Variants in KIF13A observed in about 807,000 individuals in gnomAD.
The protein encoded by KIF13A is kinesin family member 13A, also known as kinesin-like protein KIF13A.
KIF13A carries 79 observed loss-of-function variants against 212.2 expected under a neutral mutation model. That is an observed-to-expected ratio of 0.37 (90% CI 0.31 to 0.45). The LOEUF is 0.45. Among genes scored for constraint, KIF13A ranks in the 20% least tolerant of loss-of-function variants. The probability of loss-of-function intolerance (pLI) is 1.00; values close to 1 mark genes in which losing one functional copy is unlikely to be tolerated. For missense variants in KIF13A, 1,901 were observed against 2,209.0 expected, an observed-to-expected ratio of 0.86 and a Z score of 2.79; for synonymous variants, 789 against 808.6, an observed-to-expected ratio of 0.98 and a Z score of 0.41.
intron 2 of KIF13A, among the ~76,000 whole-genome samples, chr6:17,957,847 T>C (rs1478888912): frequency 6.6e-6 from 1 of 152,212 alleles, no homozygotes; most frequent in Non-Finnish European, 1.5e-5. Flanking sequence ...TTTAAAGACA[T>C]GATGTGTCTC....
Position 17,855,753 on chromosome 6 carries a change from G to T in KIF13A, c.314-136C>A. On this transcript the variant is annotated intron_variant, in intron 5 of 38. Transcript: ENST00000259711. This position sits in a 1 kb window ranked among gnomAD's most constrained non-coding sequence, Gnocchi z 4.1. ...GGCCAACTTAGCCTCAAACCCTGTTGCTCAGGCTGGAGTGCAGTGGTGTGA... is the reference window on the plus strand; with the variant it reads ...GGCCAACTTAGCCTCAAACCCTGTTTCTCAGGCTGGAGTGCAGTGGTGTGA... 1.4e-6 allele frequency: 1 copy of T among 720,066 alleles called. No homozygotes were observed. The highest frequency in any genetic ancestry group is 2.3e-6 in the Non-Finnish European group (1 of 441,356). The allele number at this position is 720,066 out of a possible 1,614,324, so 44.6% of individuals were successfully genotyped here.
At chr6:17,802,932 G>GTTTTT (rs750485926) in intron 20 of KIF13A, among the ~76,000 whole-genome samples, 1 of 111,126 alleles carries the variant, frequency 9.0e-6, no homozygotes, top group Non-Finnish European at 2.0e-5. Context: ...TGTTTTTTTT[G>GTTTTT]TTTTTTTTTG....
chr6:17,929,588 G>T (rs1356281812), intron 2 of KIF13A, among the ~76,000 whole-genome samples: 1 of 152,052 alleles, frequency 6.6e-6, no homozygotes, highest in East Asian at 1.9e-4. Flanking sequence ...TTTTAGTAGA[G>T]ACGGGGTTTC....
chr6:17,805,594 G>C lies in KIF13A; in HGVS notation c.2185C>G (p.Pro729Ala). ...NRKRGAIVSE[P>A]AIQVRRKGKS... Reference sequence around the variant, plus strand: ...CCTTTCCTCCTCACTTGGATAGCTGGTTCACTCACTATTGCACCTCTCTGC... The same window carrying C: ...CCTTTCCTCCTCACTTGGATAGCTGCTTCACTCACTATTGCACCTCTCTGC... The change falls in exon 19 of 39, where the codon CCA becomes GCA. Residue 729 changes from proline to alanine, a missense_variant. Physicochemically the swap from Pro to Ala is conservative, Grantham distance 27. This residue lies in a region of KIF13A where 534 missense variants were observed against 536.9 expected (regional missense o/e 0.99). Transcript: ENST00000259711. 6.2e-7 allele frequency: 1 copy of C among 1,609,518 alleles called. No individual in the cohort carries two copies. The highest frequency in any genetic ancestry group is 1.3e-5 in the African/African-American group (1 of 74,972).
intron 2 of KIF13A, among the ~76,000 whole-genome samples, chr6:17,976,341 C>T (rs549147191): frequency 3.9e-5 from 6 of 152,368 alleles, no homozygotes; most frequent in African/African-American, 1.4e-4. Flanking sequence ...CGCTGTAAGG[C>T]AGCTAAGGCC....
Position 17,838,498 on chromosome 6 carries a change from C to A in KIF13A, c.831-915G>T, listed in dbSNP as rs180824572. ...CCCCAAAGACGAGTCACTGAAAAGT[C>A]CCCGAAATATAATATAAACTCAAGA... is the stretch of plus-strand genomic sequence containing the variant. On this transcript the variant is annotated intron_variant, in intron 9 of 38. Transcript: ENST00000259711. The surrounding 1 kb of genome is among the most constrained non-coding windows in gnomAD (Gnocchi z 4.2). Among the ~76,000 whole-genome samples, 1 of 152,084 alleles carries A rather than the reference C, an allele frequency of 6.6e-6. No homozygotes were observed. The highest frequency in any genetic ancestry group is 1.9e-4 in the East Asian group (1 of 5,164).
At chr6:17,841,080 T>C in intron 9 of KIF13A, among the ~76,000 whole-genome samples, 1 of 115,800 alleles carries the variant, frequency 8.6e-6, no homozygotes, top group South Asian at 3.1e-4. Context: ...CCCCTTTTCC[T>C]TTTTTTTTTT....
chr6:17,759,487 A>T (rs893191158), downstream of KIF13A: 16 of 152,220 alleles, frequency 1.1e-4, no homozygotes, highest in African/African-American at 3.9e-4. Context: ...TAAAAGAAAA[A>T]AGGTACAGCA....
At chr6:17,832,830 G>A (rs112807801) in intron 12 of KIF13A, among the ~76,000 whole-genome samples, 5,273 of 151,288 alleles carry the variant, frequency 0.035, 325 homozygotes, top group African/African-American at 0.12. Context: ...GGGGCAACAC[G>A]GTGAAACCCC....
intron 11 of KIF13A, among the ~76,000 whole-genome samples, chr6:17,836,487 C>A (rs12111551): frequency 0.19 from 29,611 of 152,098 alleles, 3,031 homozygotes; most frequent in South Asian, 0.31. Context: ...TTGGTCCTCA[C>A]AATGCTTAGC....
rs1277968194 is a variant in KIF13A at position 17,982,093 on chromosome 6, G to A, written c.146+4961C>T. On this transcript the variant is annotated intron_variant, in intron 2 of 38. Coordinates refer to ENST00000259711, the MANE Select transcript of KIF13A (RefSeq NM_022113.6). This position sits in a 1 kb window ranked among gnomAD's most constrained non-coding sequence, Gnocchi z 5.1. ...TATATGCATTATATACTTACCAACTGAGCATTCTTTTTTTTTTTTGAGACA... is the reference window on the plus strand; with the variant it reads ...TATATGCATTATATACTTACCAACTAAGCATTCTTTTTTTTTTTTGAGACA... Among the ~76,000 whole-genome samples the A allele has an allele frequency of 2.0e-5, 3 of 147,446 alleles. No homozygotes were observed. The highest frequency in any genetic ancestry group is 7.8e-5 in the African/African-American group (3 of 38,626).
intron 29 of KIF13A, among the ~76,000 whole-genome samples, chr6:17,782,480 A>T (rs560478907): frequency 6.6e-6 from 1 of 151,898 alleles, no homozygotes. Context: ...TATTAAAAAT[A>T]CAAAAATTGG....
Position 17,809,441 on chromosome 6 carries a change from C to A in KIF13A, c.2001-511G>T, listed in dbSNP as rs1763248291. 6.6e-6 allele frequency among the ~76,000 whole-genome samples: 1 copy of A among 152,190 alleles called. No homozygotes were observed. Among genetic ancestry groups the A allele is most frequent in the Non-Finnish European group, 1.5e-5 (1 of 68,034 alleles). ...TACAACATTACTTGCTGATAAAAAG[C>A]TTCTCTAATATCCCAGATTGGTCAA... On this transcript the variant is annotated intron_variant, in intron 17 of 38. Transcript: ENST00000259711. The surrounding 1 kb of genome is among the most constrained non-coding windows in gnomAD (Gnocchi z 4.7).
At chr6:17,949,494 C>T (rs1777685013) in intron 2 of KIF13A, among the ~76,000 whole-genome samples, 1 of 151,784 alleles carries the variant, frequency 6.6e-6, no homozygotes, top group African/African-American at 2.4e-5. Flanking sequence ...TAACTGCATA[C>T]AGGGTCTCTA....
At chr6:17,976,525 C>T (rs940688998) in intron 2 of KIF13A, among the ~76,000 whole-genome samples, 5 of 152,302 alleles carry the variant, frequency 3.3e-5, no homozygotes, top group Admixed American at 2.0e-4. Context: ...CTCCAGCTGG[C>T]CCGCAAGCGC....
intron 16 of KIF13A, chr6:17,821,918 G>A (rs1764488860): frequency 1.3e-6 from 2 of 1,535,210 alleles, no homozygotes; most frequent in African/African-American, 2.7e-5. Context: ...AGCAGTAGAG[G>A]GGAATCACAG....
In KIF13A at chr6:17,898,607, G is replaced by C. The variant is rs1273654295; in HGVS notation, c.147-427C>G. On this transcript the variant is annotated intron_variant, in intron 2 of 38. Transcript: ENST00000259711. The surrounding 1 kb of genome is among the most constrained non-coding windows in gnomAD (Gnocchi z 5.2). ...TTAAAATATATGCATATTTTCCTTT[G>C]ATAAATACATATACTCTAACATAAT... Among the ~76,000 whole-genome samples, 1 of 151,688 alleles carries C rather than the reference G, an allele frequency of 6.6e-6. No individual in the cohort carries two copies. Among genetic ancestry groups the C allele is most frequent in the Non-Finnish European group, 1.5e-5 (1 of 67,938 alleles).
chr6:17,769,004 C>G lies in KIF13A; in HGVS notation c.4581+2110G>C, dbSNP rs1759265555. Among the ~76,000 whole-genome samples the G allele has an allele frequency of 6.7e-6, 1 of 150,066 alleles. No individual in the cohort carries two copies. Among genetic ancestry groups the G allele is most frequent in the South Asian group, 2.1e-4 (1 of 4,730 alleles). ...ATTTTATGTGAAATTACAGAAGTTA[C>G]TATGGTAATTAGGTGGGTTAAACAT... On this transcript the variant is annotated intron_variant, in intron 38 of 38. Transcript: ENST00000259711. This position sits in a 1 kb window ranked among gnomAD's most constrained non-coding sequence, Gnocchi z 5.8.
chr6:17,933,064 A>G (rs1776145902), intron 2 of KIF13A, among the ~76,000 whole-genome samples: 1 of 152,192 alleles, frequency 6.6e-6, no homozygotes. Flanking sequence ...TTAAAAGAAG[A>G]GAAAGGCTCT....
Sources: gnomAD v4.1 joint callset for allele counts (sites outside exome capture counted in the v4.1 genomes callset) on GRCh38, gnomAD v4.1.1 for gene constraint, gnomAD v4.1.1 regional missense constraint, Gnocchi (gnomAD v3.1) non-coding constraint, MANE v1.5 for transcripts, NCBI Gene and HGNC (gene_info 2026-07-23, HGNC 2026-07-21) for gene names.